Variants in MUSK observed in about 807,000 individuals in gnomAD.
MUSK encodes muscle, skeletal receptor tyrosine-protein kinase.
A neutral mutation model predicts 88.7 loss-of-function variants in MUSK; 55 were observed. The observed-to-expected ratio is 0.62, with a 90% CI of 0.50 to 0.78. The LOEUF (loss-of-function observed/expected upper bound fraction) is 0.78. Among genes scored for constraint, MUSK ranks in the 30% least tolerant of loss-of-function variants. The probability of loss-of-function intolerance (pLI) is 0.00; values close to 1 mark genes in which losing one functional copy is unlikely to be tolerated. For synonymous variants in MUSK, 387 were observed against 391.9 expected (o/e 0.99, Z 0.15); for missense variants, 1,015 against 1,074.3 (o/e 0.94, Z 0.77).
intron 11 of MUSK, among the ~76,000 whole-genome samples, chr9:110,783,241 T>C (rs1229203551): frequency 2.0e-5 from 3 of 152,182 alleles, no homozygotes; most frequent in Non-Finnish European, 4.4e-5. Context: ...TGTATGCTCT[T>C]TTCTTCTGTG....
At chr9:110,729,326 T>TAAAAAA (rs34882321) in intron 5 of MUSK, among the ~76,000 whole-genome samples, 20 of 97,350 alleles carry the variant, frequency 2.1e-4, no homozygotes, top group South Asian at 6.8e-4. Context: ...CTGTTTTCTG[T>TAAAAAA]AAAAAAAAAA....
intron 8 of MUSK, 85 bp downstream of exon 8, chr9:110,762,293 T>C (rs2077413920): frequency 1.8e-6 from 2 of 1,089,892 alleles, no homozygotes; most frequent in Non-Finnish European, 2.5e-6. Context: ...TGAGAGGGTC[T>C]TGTGTTGCCC....
At position 110,800,424 on chromosome 9, in the gene MUSK, CT is replaced by C; in HGVS notation, c.2048del (p.Leu683CysfsTer3). 2 of 1,613,906 alleles carry C rather than the reference CT, an allele frequency of 1.2e-6. No individual in the cohort carries two copies. Among genetic ancestry groups the C allele is most frequent in the Non-Finnish European group, 1.7e-6 (2 of 1,179,876 alleles). On this transcript the variant is annotated frameshift_variant, in exon 15 of 15. Coordinates refer to ENST00000374448, the MANE Select transcript of MUSK (RefSeq NM_005592.4). LOFTEE classifies it high-confidence loss of function. ...HTVCSLSHSD[L>X]SMRAQVSSPG... ...CCGTGTGCAGCCTCAGTCACAGTGA[CT>C]TGTCTATGAGGGCTCAGGTCTCCAG...
At chr9:110,782,691 T>C (rs955692572) in intron 11 of MUSK, among the ~76,000 whole-genome samples, 1 of 152,172 alleles carries the variant, frequency 6.6e-6, no homozygotes, top group Non-Finnish European at 1.5e-5. Context: ...AGCTCGTCAA[T>C]TTAAGCCACC....
chr9:110,753,548 C>G (rs114842930), intron 7 of MUSK, among the ~76,000 whole-genome samples: 93 of 152,050 alleles, frequency 6.1e-4, no homozygotes, highest in African/African-American at 2.2e-3. Flanking sequence ...AGAGTGCAGT[C>G]CATGGTTCTA....
chr9:110,760,538 C>A (rs1381650441), intron 7 of MUSK, among the ~76,000 whole-genome samples: 8 of 150,756 alleles, frequency 5.3e-5, no homozygotes, highest in Non-Finnish European at 1.2e-4. Flanking sequence ...AAGAGGGGAA[C>A]AACAGACACT....
At chr9:110,778,450 C>A (rs1322781604) in intron 11 of MUSK, among the ~76,000 whole-genome samples, 1 of 152,080 alleles carries the variant, frequency 6.6e-6, no homozygotes, top group Admixed American at 6.5e-5. Context: ...CTTGAATTCT[C>A]TTTTTCCTTC....
At chr9:110,722,340 G>T (rs888504965) in intron 5 of MUSK, among the ~76,000 whole-genome samples, 1 of 152,084 alleles carries the variant, frequency 6.6e-6, no homozygotes, top group Admixed American at 6.6e-5. Flanking sequence ...GACCAGCCTG[G>T]CCAATATGGT....
At chr9:110,703,639 G>T (rs1184738622) in intron 5 of MUSK, among the ~76,000 whole-genome samples, 1 of 152,048 alleles carries the variant, frequency 6.6e-6, no homozygotes, top group East Asian at 1.9e-4. Flanking sequence ...TTCAATGGAT[G>T]AGTAATAGTA....
rs1240516216 is a variant in MUSK at position 110,806,441 on chromosome 9, A to G, written c.*5453A>G. Among the ~76,000 whole-genome samples the G allele has an allele frequency of 6.6e-6, 1 of 152,182 alleles. No individual in the cohort carries two copies. The highest frequency in any genetic ancestry group is 1.5e-5 in the Non-Finnish European group (1 of 68,016). On this transcript the variant is annotated 3_prime_UTR_variant, in exon 15 of 15. Transcript: ENST00000374448. ...CGCTGTCAACTATATGTTCATTTCTATGAATCTGTAATATTTGCATTTTGT... is the reference window on the plus strand; with the variant it reads ...CGCTGTCAACTATATGTTCATTTCTGTGAATCTGTAATATTTGCATTTTGT...
chr9:110,763,661 C>T (rs943855493), intron 8 of MUSK, among the ~76,000 whole-genome samples: 2 of 152,172 alleles, frequency 1.3e-5, no homozygotes, highest in African/African-American at 4.8e-5. Flanking sequence ...GAAGATTTGT[C>T]TGAAGCAGAG....
At chr9:110,784,695 G>T in intron 11 of MUSK, 120 bp from the exon 12 acceptor site, 1 of 704,138 alleles carries the variant, frequency 1.4e-6, no homozygotes, top group South Asian at 2.4e-5. Flanking sequence ...TATATAACCA[G>T]GGAGAACCTG....
intron 13 of MUSK, 139 bp downstream of exon 13, chr9:110,785,857 G>A: frequency 2.2e-6 from 1 of 461,066 alleles, no homozygotes; most frequent in Non-Finnish European, 3.7e-6. Flanking sequence ...TCAAGCTAAT[G>A]ATATAGTACA....
chr9:110,769,031 C>T (rs148232801), intron 9 of MUSK, among the ~76,000 whole-genome samples: 123 of 152,144 alleles, frequency 8.1e-4, no homozygotes, highest in African/African-American at 2.8e-3. Context: ...TCTGCTTTCT[C>T]GATGTGTGTG....
rs1480934801 is a variant in MUSK, at chr9:110,801,956, C to A, written c.*968C>A. On this transcript the variant is annotated 3_prime_UTR_variant, in exon 15 of 15. Coordinates refer to ENST00000374448, the MANE Select transcript of MUSK (RefSeq NM_005592.4). Reference sequence around the variant, plus strand: ...CTTTTGCAAAGTATTACTATTTTTCCTGCATTTGCCTTTGAAGCCACACAT... The same window carrying A: ...CTTTTGCAAAGTATTACTATTTTTCATGCATTTGCCTTTGAAGCCACACAT... 1.3e-5 allele frequency among the ~76,000 whole-genome samples: 2 copies of A among 151,938 alleles called. No individual in the cohort carries two copies. Among genetic ancestry groups the A allele is most frequent in the Non-Finnish European group, 2.9e-5 (2 of 67,982 alleles).
At chr9:110,765,067 C>G (rs1424625031) in intron 8 of MUSK, among the ~76,000 whole-genome samples, 1 of 151,868 alleles carries the variant, frequency 6.6e-6, no homozygotes, top group Non-Finnish European at 1.5e-5. Context: ...TGTACTTTTT[C>G]TTAGTTTCCA....
rs2078130503 is a variant in MUSK at position 110,804,191 on chromosome 9, GT to G, written c.*3209del. Among the ~76,000 whole-genome samples the G allele has an allele frequency of 1.3e-5, 2 of 151,818 alleles. No individual in the cohort carries two copies. The highest frequency in any genetic ancestry group is 4.8e-5 in the African/African-American group (2 of 41,314). ...CAATCTTGTATTTTTGAACATTTAG[GT>G]TTTTTCCAATTTTTATCATTATAAA... On this transcript the variant is annotated 3_prime_UTR_variant, in exon 15 of 15. Transcript: ENST00000374448.
chr9:110,673,663 C>T (rs2075989335), intron 1 of MUSK, among the ~76,000 whole-genome samples: 2 of 152,204 alleles, frequency 1.3e-5, no homozygotes, highest in South Asian at 4.1e-4. Context: ...GTTCATGTGA[C>T]ATCTCCAGTG....
chr9:110,722,261 GGC>G (rs1360925345), intron 5 of MUSK, among the ~76,000 whole-genome samples: 2 of 152,098 alleles, frequency 1.3e-5, no homozygotes, highest in Non-Finnish European at 2.9e-5. Context: ...CGGGTGCATT[GGC>G]TCATGCCTGT....
Sources: allele counts gnomAD v4.1 joint callset (sites outside exome capture counted in the v4.1 genomes callset), GRCh38; gene constraint gnomAD v4.1.1; transcripts MANE v1.5; gene names NCBI Gene and HGNC (gene_info 2026-07-23, HGNC 2026-07-21).